Variants in SELENOI observed in about 807,000 individuals in gnomAD.
SELENOI encodes the protein selenoprotein I.
In SELENOI, 24 loss-of-function variants were observed where a neutral mutation model predicts 50.7. The ratio of observed to expected loss-of-function variants is 0.47; its 90% confidence interval spans 0.34 to 0.67. The LOEUF (loss-of-function observed/expected upper bound fraction) is 0.67, where lower values mean the gene tolerates loss of function less well. Ranked by LOEUF, SELENOI falls within the 30% of genes least tolerant of loss-of-function variation. The pLI, the probability that SELENOI is intolerant of heterozygous loss-of-function variation, is 0.01. For missense variants in SELENOI, 352 were observed against 461.4 expected, an observed-to-expected ratio of 0.76 and a Z score of 2.17; for synonymous variants, 155 against 170.2, an observed-to-expected ratio of 0.91 and a Z score of 0.70.
chr2:26,346,351 C>T, intron 1 of SELENOI, 62 bp downstream of exon 1: 1 of 1,539,160 alleles, frequency 6.5e-7, no homozygotes, highest in Non-Finnish European at 8.7e-7. Context: ...GGCTGAGGGG[C>T]CCGCGCGGCG....
rs573532856 is a variant in SELENOI at position 26,365,919 on chromosome 2, A to G, written c.235+979A>G. Reference sequence around the variant, plus strand: ...CAGGTTCAAGCGATTCTCCTGCCTCAGCGTCCTGAGTAGCTGGGACTACAG... The same window carrying G: ...CAGGTTCAAGCGATTCTCCTGCCTCGGCGTCCTGAGTAGCTGGGACTACAG... On this transcript the variant is annotated intron_variant, in intron 3 of 9. Coordinates refer to ENST00000260585, the MANE Select transcript of SELENOI (RefSeq NM_033505.4). Among the ~76,000 whole-genome samples the G allele has an allele frequency of 6.4e-4, 97 of 150,432 alleles. 3 individuals carry two copies. The South Asian group carries it at 0.019, about 30-fold the overall frequency.
At position 26,392,013 on chromosome 2, in the gene SELENOI, T is replaced by C. The variant is rs535934291; in HGVS notation, c.*2910T>C. 3 of 152,364 alleles carry C rather than the reference T, an allele frequency of 2.0e-5. No homozygotes were observed. The highest frequency in any genetic ancestry group is 7.2e-5 in the African/African-American group (3 of 41,574). The allele number at this position is 152,364 out of a possible 1,614,324, so 9.4% of individuals were successfully genotyped here. A position where few individuals can be genotyped will look rare whatever the true frequency, so the allele number is the denominator to read the frequency against. ...CCTCCTTGTCATTTTAATGTCATTATTGAAATACTTTTAATTCTAATTTTC... is the reference window on the plus strand; with the variant it reads ...CCTCCTTGTCATTTTAATGTCATTACTGAAATACTTTTAATTCTAATTTTC... On this transcript the variant is annotated 3_prime_UTR_variant, in exon 10 of 10. Transcript: ENST00000260585.
intron 6 of SELENOI, among the ~76,000 whole-genome samples, chr2:26,382,454 C>T (rs1256743439): frequency 1.3e-5 from 2 of 152,160 alleles, no homozygotes; most frequent in Admixed American, 6.5e-5. Flanking sequence ...TGAATTTGAA[C>T]ATTAGGAAAG....
At chr2:26,355,395 A>G (rs1677043882) in intron 1 of SELENOI, among the ~76,000 whole-genome samples, 1 of 152,218 alleles carries the variant, frequency 6.6e-6, no homozygotes, top group African/African-American at 2.4e-5. Context: ...CAGAGACAAT[A>G]AATAATTTTT....
chr2:26,371,287 A>G, intron 4 of SELENOI, among the ~76,000 whole-genome samples: 1 of 129,912 alleles, frequency 7.7e-6, no homozygotes, highest in Admixed American at 7.9e-5. Context: ...GACGCTCCTC[A>G]CCTCCCAGAC....
At chr2:26,376,867 G>C (rs1677577701) in intron 6 of SELENOI, among the ~76,000 whole-genome samples, 1 of 152,086 alleles carries the variant, frequency 6.6e-6, no homozygotes, top group Admixed American at 6.5e-5. Context: ...GACATCCATT[G>C]TTTCTGAGTC....
chr2:26,389,064 A>G lies in SELENOI; in HGVS notation c.1155A>G (p.Ser385=), dbSNP rs1383524059. The G allele has an allele frequency of 6.3e-7, 1 of 1,587,408 alleles. No homozygotes were observed. Among genetic ancestry groups the G allele is most frequent in the Non-Finnish European group, 8.6e-7 (1 of 1,165,488 alleles). ...CCTTCTCATTGAGGAAACCAAACTCAGATTGACTAGGAATGGAAGAAAAGA... is the reference window on the plus strand; with the variant it reads ...CCTTCTCATTGAGGAAACCAAACTCGGATTGACTAGGAATGGAAGAAAAGA... The part of the protein sequence containing the change: ...IYPFSLRKPN[S]DULGMEEKNI... The change falls in exon 10 of 10, where the codon TCA becomes TCG. Residue 385 remains serine, a synonymous_variant. Coordinates refer to ENST00000260585, the MANE Select transcript of SELENOI (RefSeq NM_033505.4).
At chr2:26,346,350 G>C (rs1205123780) in intron 1 of SELENOI, 61 bp downstream of exon 1, 2 of 1,540,464 alleles carry the variant, frequency 1.3e-6, no homozygotes, top group Admixed American at 3.8e-5. Flanking sequence ...CGGCTGAGGG[G>C]CCCGCGCGGC....
At chr2:26,354,859 C>G (rs571890345) in intron 1 of SELENOI, among the ~76,000 whole-genome samples, 28 of 152,252 alleles carry the variant, frequency 1.8e-4, no homozygotes, top group African/African-American at 6.5e-4. Flanking sequence ...GCAAGCGGGC[C>G]TGAATTTACT....
Sources: gnomAD v4.1 joint callset for allele counts (sites outside exome capture counted in the v4.1 genomes callset) on GRCh38, gnomAD v4.1.1 for gene constraint, MANE v1.5 for transcripts, NCBI Gene and HGNC (gene_info 2026-07-23, HGNC 2026-07-21) for gene names.